Variants in MAPK10 observed in about 807,000 individuals in gnomAD.
MAPK10 encodes the protein mitogen-activated protein kinase 10.
Under a neutral mutation model 59.3 loss-of-function variants are expected in MAPK10, and 25 were observed. The observed-to-expected ratio is 0.42, with a 90% CI of 0.31 to 0.59. The LOEUF (loss-of-function observed/expected upper bound fraction) is 0.59. Among genes scored for constraint, MAPK10 ranks in the 20% least tolerant of loss-of-function variants. The probability of loss-of-function intolerance (pLI) is 0.15; values close to 1 mark genes in which losing one functional copy is unlikely to be tolerated. For synonymous variants in MAPK10, 190 were observed against 200.5 expected (o/e 0.95, Z 0.44); for missense variants, 351 against 568.9 (o/e 0.62, Z 3.90).
At chr4:86,225,334 C>A (rs1386423993) in intron 2 of MAPK10, among the ~76,000 whole-genome samples, 1 of 152,180 alleles carries the variant, frequency 6.6e-6, no homozygotes, top group Non-Finnish European at 1.5e-5. Flanking sequence ...AGGGTGCCTA[C>A]ATGACTAGCC....
intron 1 of MAPK10, among the ~76,000 whole-genome samples, chr4:86,582,496 A>G (rs1762374660): frequency 6.6e-6 from 1 of 152,182 alleles, no homozygotes; most frequent in Non-Finnish European, 1.5e-5. Context: ...TTTATTCATG[A>G]TCATATCAAA....
At chr4:86,540,400 T>C (rs1184082187) in intron 1 of MAPK10, among the ~76,000 whole-genome samples, 2 of 152,082 alleles carry the variant, frequency 1.3e-5, no homozygotes, top group African/African-American at 4.8e-5. Context: ...CTCAGGGGGC[T>C]GAGGTGGAAG....
chr4:86,072,372 A>C (rs1196800736), intron 9 of MAPK10, among the ~76,000 whole-genome samples: 1 of 151,554 alleles, frequency 6.6e-6, no homozygotes, highest in East Asian at 1.9e-4. Flanking sequence ...TTCCTAATTG[A>C]ATACCGTTTA....
chr4:86,540,863 G>A (rs901096315), intron 1 of MAPK10, among the ~76,000 whole-genome samples: 6 of 152,170 alleles, frequency 3.9e-5, no homozygotes, highest in Admixed American at 2.0e-4. Flanking sequence ...AGCACTTTGC[G>A]AGGCTGAGGT....
At chr4:86,194,005 TC>T (rs2080643824) in intron 3 of MAPK10, 1 of 277,466 alleles carries the variant, frequency 3.6e-6, no homozygotes, top group African/African-American at 2.2e-5. Context: ...GAGAGGGAGT[TC>T]CCTGACCCCT....
chr4:86,376,866 G>T (rs115168584), intron 1 of MAPK10, among the ~76,000 whole-genome samples: 2,291 of 152,248 alleles, frequency 0.015, 67 homozygotes, highest in African/African-American at 0.052. Flanking sequence ...CCACTAAAGA[G>T]AAATTTATTC....
upstream of MAPK10, among the ~76,000 whole-genome samples, chr4:86,361,399 T>C (rs1367610307): frequency 6.6e-6 from 1 of 152,196 alleles, no homozygotes; most frequent in Non-Finnish European, 1.5e-5. Flanking sequence ...ACCTGCAAGA[T>C]AACTACCTCA....
At chr4:86,261,914 A>T (rs182405955) in intron 2 of MAPK10, among the ~76,000 whole-genome samples, 1 of 152,388 alleles carries the variant, frequency 6.6e-6, no homozygotes, top group Admixed American at 6.5e-5. Context: ...CTAGTTCCAC[A>T]GAAGAGTAAT....
intron 2 of MAPK10, among the ~76,000 whole-genome samples, chr4:86,350,361 C>T (rs1373656541): frequency 1.3e-5 from 2 of 152,106 alleles, no homozygotes; most frequent in Non-Finnish European, 2.9e-5. Context: ...ACTACAGGAA[C>T]CCGCCACCAT....
intron 11 of MAPK10, among the ~76,000 whole-genome samples, chr4:86,056,975 A>T (rs928957877): frequency 1.0e-4 from 15 of 146,128 alleles, no homozygotes; most frequent in East Asian, 5.9e-4. Context: ...TATTTTATTT[A>T]TTTTTTTTAA....
At chr4:86,203,483 G>A (rs1563058388) in intron 2 of MAPK10, among the ~76,000 whole-genome samples, 1 of 151,450 alleles carries the variant, frequency 6.6e-6, no homozygotes, top group African/African-American at 2.4e-5. Context: ...GGATTCCATG[G>A]TTTGTCACTG....
chr4:86,204,992 A>G (rs1261234729), intron 2 of MAPK10, among the ~76,000 whole-genome samples: 1 of 152,066 alleles, frequency 6.6e-6, no homozygotes, highest in East Asian at 1.9e-4. Context: ...TTCTACAATA[A>G]CCGTAAAACC....
Position 86,012,690 on chromosome 4 carries a change from A to G in MAPK10, c.*4538T>C, listed in dbSNP as rs565177416. ...GAGAAAGAACACAGAAATGACTTGAACGATTTCAAATCCTTATTAAGCATC... is the reference window on the plus strand; with the variant it reads ...GAGAAAGAACACAGAAATGACTTGAGCGATTTCAAATCCTTATTAAGCATC... On this transcript the variant is annotated 3_prime_UTR_variant, in exon 14 of 14. Transcript: ENST00000641462. The G allele has an allele frequency of 9.5e-4, 144 of 152,304 alleles. No individual in the cohort carries two copies. The highest frequency in any genetic ancestry group is 3.4e-3 in the African/African-American group (141 of 41,568). 9.4% of individuals were successfully genotyped at this position (152,304 alleles called of 1,614,324 possible).
intron 3 of MAPK10, chr4:86,193,410 GCTGA>G (rs2149313871): frequency 6.6e-6 from 1 of 152,344 alleles, no homozygotes; most frequent in East Asian, 1.9e-4. Context: ...TCTATAAGTC[GCTGA>G]CTAAGGCTGC....
chr4:86,457,504 T>C (rs1267429684), upstream of MAPK10, among the ~76,000 whole-genome samples: 1 of 152,204 alleles, frequency 6.6e-6, no homozygotes, highest in Non-Finnish European at 1.5e-5. Flanking sequence ...AGCTCTTCTA[T>C]ACACCAATAG....
intron 1 of MAPK10, among the ~76,000 whole-genome samples, chr4:86,503,892 GTCTTTTTGC>G (rs1386254798): frequency 6.6e-6 from 1 of 151,970 alleles, no homozygotes; most frequent in Non-Finnish European, 1.5e-5. Flanking sequence ...AGCCACACCA[GTCTTTTTGC>G]TCTTACCCAA....
chr4:86,080,564 G>A (rs192298696), intron 9 of MAPK10: 1 of 151,888 alleles, frequency 6.6e-6, no homozygotes, highest in Admixed American at 6.6e-5. Context: ...TCCAAAATAC[G>A]TACTTCGGGA....
At chr4:86,518,390 A>G (rs1189050111) in intron 1 of MAPK10, among the ~76,000 whole-genome samples, 1 of 152,118 alleles carries the variant, frequency 6.6e-6, no homozygotes, top group Admixed American at 6.5e-5. Flanking sequence ...AGGTTTTCCA[A>G]TTTGTGCACA....
intron 1 of MAPK10, among the ~76,000 whole-genome samples, chr4:86,503,394 C>T (rs969500929): frequency 3.9e-5 from 6 of 152,054 alleles, no homozygotes; most frequent in Admixed American, 2.0e-4. Context: ...TATCCTCAGA[C>T]TTTTTCATCT....
Sources: allele counts gnomAD v4.1 joint callset (sites outside exome capture counted in the v4.1 genomes callset), GRCh38; gene constraint gnomAD v4.1.1; transcripts MANE v1.5; gene names NCBI Gene and HGNC (gene_info 2026-07-23, HGNC 2026-07-21).